Variants in NBAS observed in about 807,000 individuals in gnomAD.
NBAS encodes the protein NBAS subunit of NRZ tethering complex.
Under a neutral mutation model 302.5 loss-of-function variants are expected in NBAS, and 219 were observed. That is an observed-to-expected ratio of 0.72 (90% CI 0.65 to 0.81). The LOEUF (loss-of-function observed/expected upper bound fraction) is 0.81. Ranked by LOEUF, NBAS falls within the 30% of genes least tolerant of loss-of-function variation. NBAS has a pLI of 0.00. For missense variants in NBAS, 2,932 were observed against 2,841.6 expected (o/e 1.03, Z -0.72); for synonymous variants, 1,118 against 1,021.6 (o/e 1.09, Z -1.80).
At chr2:15,170,744 T>C (rs184657790) in intron 51 of NBAS, among the ~76,000 whole-genome samples, 1 of 152,188 alleles carries the variant, frequency 6.6e-6, no homozygotes, top group African/African-American at 2.4e-5. Flanking sequence ...GGGAACAAAA[T>C]AGAAAATGAA....
intron 51 of NBAS, 91 bp downstream of exon 51, chr2:15,178,897 A>G: frequency 6.4e-7 from 1 of 1,562,366 alleles, no homozygotes; most frequent in Non-Finnish European, 8.8e-7. Flanking sequence ...TCAATTAACC[A>G]CGGTGTTATT....
intron 23 of NBAS, among the ~76,000 whole-genome samples, chr2:15,419,013 G>C (rs889885266): frequency 7.2e-5 from 11 of 152,152 alleles, no homozygotes; most frequent in African/African-American, 2.7e-4. Context: ...AAATAGGCAG[G>C]CTGGTCAGAA....
At chr2:15,360,598 C>G (rs1673861792) in intron 32 of NBAS, among the ~76,000 whole-genome samples, 1 of 150,260 alleles carries the variant, frequency 6.7e-6, no homozygotes, top group South Asian at 2.1e-4. Context: ...GATTCACTTG[C>G]CTCAACCTTC....
At chr2:15,447,335 C>T (rs1678800098) in intron 21 of NBAS, among the ~76,000 whole-genome samples, 1 of 152,182 alleles carries the variant, frequency 6.6e-6, no homozygotes, top group Non-Finnish European at 1.5e-5. Context: ...GCAAGAAAGG[C>T]ATCTGACTTG....
chr2:14,791,402 G>A, the NBAS span, among the ~76,000 whole-genome samples: 2 of 152,222 alleles, frequency 1.3e-5, no homozygotes, highest in Non-Finnish European at 2.9e-5. Context: ...TATCCTTGAA[G>A]AGAAAGTAAA....
chr2:15,382,144 T>G lies in NBAS; in HGVS notation c.3360+1071A>C, dbSNP rs545825108. Among the ~76,000 whole-genome samples, 9 of 152,300 alleles carry G rather than the reference T, an allele frequency of 5.9e-5. No individual in the cohort carries two copies. In the East Asian group the frequency reaches 1.5e-3, roughly 26 times the overall value. On this transcript the variant is annotated intron_variant, in intron 29 of 51. Transcript: ENST00000281513. ...TAAACTGCCTTTGACTTGGAGATTT[T>G]ACACACAGAAAATGGAAATATATAT...
At chr2:14,840,977 T>C in the NBAS span, among the ~76,000 whole-genome samples, 1 of 151,918 alleles carries the variant, frequency 6.6e-6, no homozygotes, top group African/African-American at 2.4e-5. Context: ...TCCAGCAACA[T>C]GTTAAGTGAT....
intron 11 of NBAS, 81 bp downstream of exon 11, chr2:15,504,064 G>A (rs1661715845): frequency 2.6e-6 from 3 of 1,161,510 alleles, no homozygotes; most frequent in African/African-American, 1.5e-5. Flanking sequence ...AAAATTCGAG[G>A]TTCATTCAGC....
the NBAS span, among the ~76,000 whole-genome samples, chr2:14,994,458 C>A: frequency 2.0e-5 from 3 of 152,178 alleles, no homozygotes; most frequent in African/African-American, 7.2e-5. Context: ...ATCAGAGAGC[C>A]CATCCTGCAT....
the NBAS span, among the ~76,000 whole-genome samples, chr2:15,047,007 G>A: frequency 1.6e-3 from 246 of 152,312 alleles, no homozygotes; most frequent in African/African-American, 5.7e-3. Flanking sequence ...GCTAGGCCAG[G>A]CAGATGGGAA....
At chr2:15,432,482 C>A (rs1677814342) in intron 21 of NBAS, among the ~76,000 whole-genome samples, 1 of 152,108 alleles carries the variant, frequency 6.6e-6, no homozygotes, top group Non-Finnish European at 1.5e-5. Flanking sequence ...TTATATCCAA[C>A]AATTCTCCCA....
the NBAS span, among the ~76,000 whole-genome samples, chr2:14,976,452 G>A: frequency 6.6e-6 from 1 of 152,180 alleles, no homozygotes; most frequent in African/African-American, 2.4e-5. Flanking sequence ...AGCACCTGCT[G>A]ACCAAAGTAG....
chr2:15,027,710 T>A, the NBAS span, among the ~76,000 whole-genome samples: 1 of 152,226 alleles, frequency 6.6e-6, no homozygotes, highest in Non-Finnish European at 1.5e-5. Context: ...CAGATCCTAA[T>A]TTTAATGAAT....
chr2:15,001,274 A>G, the NBAS span, among the ~76,000 whole-genome samples: 2 of 152,162 alleles, frequency 1.3e-5, no homozygotes, highest in Non-Finnish European at 2.9e-5. Context: ...GATATGTTAT[A>G]TATATATGTA....
chr2:14,979,642 C>T, the NBAS span, among the ~76,000 whole-genome samples: 1 of 152,050 alleles, frequency 6.6e-6, no homozygotes, highest in African/African-American at 2.4e-5. Flanking sequence ...CTACATAAGA[C>T]CAAGTAACAT....
chr2:14,816,738 C>T, the NBAS span, among the ~76,000 whole-genome samples: 6 of 152,216 alleles, frequency 3.9e-5, no homozygotes, highest in Non-Finnish European at 8.8e-5. Context: ...GTGTGCTTTA[C>T]CTCGTGTCTG....
At chr2:15,103,577 G>T in the NBAS span, among the ~76,000 whole-genome samples, 1 of 152,200 alleles carries the variant, frequency 6.6e-6, no homozygotes, top group Non-Finnish European at 1.5e-5. Context: ...AAGATGGACC[G>T]TGTCTTATGT....
the NBAS span, among the ~76,000 whole-genome samples, chr2:15,002,907 G>A: frequency 3.9e-5 from 6 of 152,242 alleles, no homozygotes; most frequent in Admixed American, 3.3e-4. Flanking sequence ...TGTTCCCGCT[G>A]GCGCCTCTCC....
the NBAS span, among the ~76,000 whole-genome samples, chr2:15,049,217 A>G: frequency 1.3e-5 from 2 of 152,204 alleles, no homozygotes; most frequent in Non-Finnish European, 2.9e-5. Context: ...CCCTGAAGCC[A>G]GTCACCCGCC....
Sources: allele counts gnomAD v4.1 joint callset (sites outside exome capture counted in the v4.1 genomes callset), GRCh38; gene constraint gnomAD v4.1.1; transcripts MANE v1.5; gene names NCBI Gene and HGNC (gene_info 2026-07-23, HGNC 2026-07-21).